CRBN: variants seen among roughly 807,000 people sequenced by gnomAD.
CRBN encodes the protein cereblon.
A neutral mutation model predicts 62.2 loss-of-function variants in CRBN; 53 were observed. The ratio of observed to expected loss-of-function variants is 0.85; its 90% CI spans 0.68 to 1.07. The LOEUF (loss-of-function observed/expected upper bound fraction) is 1.07, where lower values mean the gene tolerates loss of function less well. CRBN is among the 50% of genes least tolerant of loss of function. CRBN has a pLI of 0.00. For synonymous variants in CRBN, 208 were observed against 176.1 expected (o/e 1.18, Z -1.43); for missense variants, 616 against 531.1 (o/e 1.16, Z -1.57).
In CRBN at chr3:3,179,634, C is replaced by G. The variant is rs763053867; in HGVS notation, c.54G>C (p.Leu18=). The G allele has an allele frequency of 3.1e-6, 5 of 1,613,446 alleles. No individual in the cohort carries two copies. The South Asian group carries it at 5.5e-5, about 18-fold the overall frequency. ...QDAAHNMGNH[L]PLLPAESEEE... is the part of the protein sequence containing the mutation. ...CCGGGCGGTTACCAGGCAGGAGCGG[C>G]AGGTGGTTGCCCATGTTGTGCGCAG... The change falls in exon 1 of 11, where the codon CTG becomes CTC. Residue 18 remains leucine, a synonymous_variant. Coordinates refer to ENST00000231948, the MANE Select transcript of CRBN (RefSeq NM_016302.4).
At position 3,153,525 on chromosome 3, in the gene CRBN, A is replaced by G. The variant is rs773456257; in HGVS notation, c.952-37T>C. On this transcript the variant is annotated intron_variant, in intron 8 of 10. Coordinates refer to ENST00000231948, the MANE Select transcript of CRBN (RefSeq NM_016302.4). ...GAGAGAAAAATTATTGGTAGGAAAA[A>G]CTGGCATTCACTTTATCATGTAATC... 68 of 1,126,010 alleles carry G rather than the reference A, an allele frequency of 6.0e-5. No individual in the cohort carries two copies. The Admixed American group carries it at 7.9e-4, about 13-fold the overall frequency. The allele number at this position is 1,126,010 out of a possible 1,614,324, so 69.8% of individuals were successfully genotyped here. A position where few individuals can be genotyped will look rare whatever the true frequency, so the allele number is the denominator to read the frequency against.
intron 1 of CRBN, among the ~76,000 whole-genome samples, chr3:3,178,322 G>T (rs1707917701): frequency 6.6e-6 from 1 of 152,174 alleles, no homozygotes; most frequent in African/African-American, 2.4e-5. Flanking sequence ...CTATATGGTG[G>T]GCACGCACTC....
At chr3:3,173,678 A>C (rs780488189) in intron 3 of CRBN, among the ~76,000 whole-genome samples, 1 of 152,204 alleles carries the variant, frequency 6.6e-6, no homozygotes, top group African/African-American at 2.4e-5. Flanking sequence ...ATTTTGAGAG[A>C]GAGGGAAAGA....
At chr3:3,164,436 C>G (rs537170382) in intron 5 of CRBN, among the ~76,000 whole-genome samples, 4 of 152,144 alleles carry the variant, frequency 2.6e-5, no homozygotes, top group African/African-American at 9.7e-5. Flanking sequence ...TCCGTTGAGC[C>G]AAAGCCTAAT....
At chr3:3,152,423 G>T in intron 10 of CRBN, 33 bp downstream of exon 10, 1 of 1,486,980 alleles carries the variant, frequency 6.7e-7, no homozygotes, top group Non-Finnish European at 9.1e-7. Context: ...GGTAAAAAAA[G>T]AAAAAAAAAA....
At chr3:3,172,632 A>G in intron 4 of CRBN, 144 bp downstream of exon 4, 1 of 815,866 alleles carries the variant, frequency 1.2e-6, no homozygotes, top group Non-Finnish European at 2.0e-6. Context: ...AAGGTTGGAA[A>G]CCACTGGGCT....
At chr3:3,152,725 C>T in intron 9 of CRBN, 138 bp from the exon 10 acceptor site, 1 of 1,044,110 alleles carries the variant, frequency 9.6e-7, no homozygotes, top group Non-Finnish European at 1.4e-6. Context: ...TATATAATAC[C>T]AGGATCTTAG....
chr3:3,172,202 T>C (rs777672120), intron 4 of CRBN: 1 of 153,826 alleles, frequency 6.5e-6, no homozygotes, highest in Admixed American at 6.4e-5. Context: ...ATTGATCATT[T>C]ATTATGTAAA....
rs771909591 is a variant in CRBN, at chr3:3,172,907, T to C, written c.396A>G (p.Glu132=). The C allele has an allele frequency of 1.9e-6, 3 of 1,613,930 alleles. No individual in the cohort carries two copies. The highest frequency in any genetic ancestry group is 2.2e-5 in the South Asian group (2 of 91,076). ...VLAYSNVQER[E]AQFGTTAEIY... The stretch of plus-strand genomic sequence containing the variant: ...TCTCTGCTGTTGTTCCAAACTGTGC[T>C]TCCCTTTCCTGTACATTGCTTCCAA... The change falls in exon 4 of 11, where the codon GAA becomes GAG. Residue 132 remains glutamate, a synonymous_variant. Coordinates refer to ENST00000231948, the MANE Select transcript of CRBN (RefSeq NM_016302.4).
intron 5 of CRBN, among the ~76,000 whole-genome samples, chr3:3,162,726 C>T (rs140851145): frequency 0.011 from 1,694 of 152,268 alleles, 31 homozygotes; most frequent in Middle Eastern, 0.027. Context: ...GAAAAGTGCG[C>T]GGCAACCTTA....
Position 3,153,468 on chromosome 3 carries a change from T to C in CRBN, c.972A>G (p.Lys324=). ...IMNKCTSLCC[K]QCQETEITTK... is the part of the protein sequence containing the mutation. The stretch of plus-strand genomic sequence containing the variant: ...TTGTTATTTCTGTTTCTTGACATTG[T>C]TTACAGCAAAGGGAAGTACACTAAA... Residue 324 remains lysine (K), a synonymous_variant, in exon 9 of 11, where the codon AAA becomes AAG. Transcript: ENST00000231948. 1 of 1,580,650 alleles carries C rather than the reference T, an allele frequency of 6.3e-7. No individual in the cohort carries two copies. The highest frequency in any genetic ancestry group is 1.1e-5 in the South Asian group (1 of 90,352).
At chr3:3,178,414 A>C (rs1049055357) in intron 1 of CRBN, among the ~76,000 whole-genome samples, 3 of 151,936 alleles carry the variant, frequency 2.0e-5, no homozygotes, top group Admixed American at 2.0e-4. Flanking sequence ...CAATTACCTG[A>C]AACCTAAAAC....
At chr3:3,157,934 A>G (rs1311648030) in intron 5 of CRBN, among the ~76,000 whole-genome samples, 1 of 152,186 alleles carries the variant, frequency 6.6e-6, no homozygotes, top group Non-Finnish European at 1.5e-5. Flanking sequence ...CTGGTTTTCA[A>G]ATATTTTAGG....
intron 4 of CRBN, among the ~76,000 whole-genome samples, chr3:3,168,652 T>G (rs1533599): frequency 0.47 from 71,849 of 151,980 alleles, 18,843 homozygotes; most frequent in Middle Eastern, 0.64. Context: ...ACTTAAGACT[T>G]CTAAAGTAGT....
At position 3,172,937 on chromosome 3, in the gene CRBN, A is replaced by G. The variant is rs938093084; in HGVS notation, c.378-12T>C. ...TTTCCTGTACATTGCTTCCAAGAAA[A>G]TTTTAAAAGGAAAGAATTTTGAACA... On this transcript the variant is annotated splice_polypyrimidine_tract_variant and intron_variant, in intron 3 of 10. Coordinates refer to ENST00000231948, the MANE Select transcript of CRBN (RefSeq NM_016302.4). 1.2e-6 allele frequency: 2 copies of G among 1,611,822 alleles called. No homozygotes were observed. Among genetic ancestry groups the G allele is most frequent in the Admixed American group, 3.3e-5 (2 of 60,026 alleles).
Position 3,150,682 on chromosome 3 carries a change from C to T in CRBN, c.*183G>A, listed in dbSNP as rs995972921. On this transcript the variant is annotated 3_prime_UTR_variant, in exon 11 of 11. Transcript: ENST00000231948. ...CTAGACTGCCGTTCATGCTTGTTTC[C>T]TAAAGTATACTTAAAAGTTTCAAAT... 3.7e-5 allele frequency: 22 copies of T among 601,990 alleles called. No individual in the cohort carries two copies. Among genetic ancestry groups the T allele is most frequent in the Admixed American group, 9.0e-5 (3 of 33,178 alleles). The allele number at this position is 601,990 out of a possible 1,614,324, so 37.3% of individuals were successfully genotyped here. A position where few individuals can be genotyped will look rare whatever the true frequency, so the allele number is the denominator to read the frequency against.
At chr3:3,173,555 C>A (rs753581747) in intron 3 of CRBN, among the ~76,000 whole-genome samples, 3 of 152,180 alleles carry the variant, frequency 2.0e-5, no homozygotes, top group Non-Finnish European at 4.4e-5. Flanking sequence ...ACTGGCAGCA[C>A]TGTACTGGGG....
At chr3:3,155,525 C>T (rs887505692) in intron 6 of CRBN, 1 of 153,036 alleles carries the variant, frequency 6.5e-6, no homozygotes, top group Non-Finnish European at 1.5e-5. Flanking sequence ...AGAAATCAGA[C>T]TCTGAAGTCA....
chr3:3,167,460 T>C, intron 5 of CRBN, 174 bp downstream of exon 5: 1 of 606,408 alleles, frequency 1.6e-6, no homozygotes, highest in Non-Finnish European at 2.9e-6. Flanking sequence ...TTTTGTAAAC[T>C]GCTTTTACAT....
Sources: allele counts gnomAD v4.1 joint callset (sites outside exome capture counted in the v4.1 genomes callset), GRCh38; gene constraint gnomAD v4.1.1; transcripts MANE v1.5; gene names NCBI Gene and HGNC (gene_info 2026-07-23, HGNC 2026-07-21).